Variants in PAX5 observed in about 807,000 individuals in gnomAD.
The protein encoded by PAX5 is paired box protein Pax-5.
PAX5 carries 9 observed loss-of-function variants against 43.7 expected under a neutral mutation model. The ratio of observed to expected loss-of-function variants is 0.21; its 90% CI spans 0.12 to 0.36. PAX5 has a LOEUF of 0.36. PAX5 is among the 10% of genes least tolerant of loss of function. The probability of loss-of-function intolerance (pLI) is 1.00; values close to 1 mark genes in which losing one functional copy is unlikely to be tolerated. For synonymous variants in PAX5, 228 were observed against 214.3 expected, an observed-to-expected ratio of 1.06 and a Z score of -0.56; for missense variants, 383 against 532.7, an observed-to-expected ratio of 0.72 and a Z score of 2.77.
At chr9:36,983,367 C>G (rs1282403162) in intron 5 of PAX5, among the ~76,000 whole-genome samples, 1 of 152,210 alleles carries the variant, frequency 6.6e-6, no homozygotes, top group African/African-American at 2.4e-5. Context: ...GATTCTACGC[C>G]TAAGTGCAAG....
chr9:37,030,171 G>A (rs1000034871), intron 1 of PAX5, among the ~76,000 whole-genome samples: 1 of 152,192 alleles, frequency 6.6e-6, no homozygotes, highest in African/African-American at 2.4e-5. Context: ...CGTCTTACCT[G>A]TGCACCCAGA....
chr9:37,027,946 G>A (rs1266765608), intron 1 of PAX5, among the ~76,000 whole-genome samples: 1 of 152,254 alleles, frequency 6.6e-6, no homozygotes, highest in East Asian at 1.9e-4. Flanking sequence ...CTAAGGCCTA[G>A]TGGATCGCGG....
intron 6 of PAX5, among the ~76,000 whole-genome samples, chr9:36,933,134 AC>A (rs1385770913): frequency 7.2e-6 from 1 of 139,816 alleles, no homozygotes; most frequent in African/African-American, 2.6e-5. Flanking sequence ...ACAGAGGGAG[AC>A]CCTGTCTCAA....
intron 6 of PAX5, among the ~76,000 whole-genome samples, chr9:36,953,193 GACAAGAAATCC>G: frequency 6.6e-6 from 1 of 152,242 alleles, no homozygotes; most frequent in African/African-American, 2.4e-5. Flanking sequence ...CATGGTTTCT[GACAAGAAATCC>G]ACTGTAATTT....
intron 6 of PAX5, among the ~76,000 whole-genome samples, chr9:36,928,995 T>C (rs993141996): frequency 2.0e-5 from 3 of 152,224 alleles, no homozygotes; most frequent in Non-Finnish European, 4.4e-5. Context: ...TGGCTTTGAC[T>C]GCCAGGAAAC....
chr9:37,006,362 G>T, intron 4 of PAX5, 111 bp downstream of exon 4: 1 of 718,368 alleles, frequency 1.4e-6, no homozygotes, highest in East Asian at 2.5e-5. Context: ...GCATTAGTAC[G>T]TGTGCTGAAG....
intron 5 of PAX5, among the ~76,000 whole-genome samples, chr9:36,994,265 G>A (rs7039877): frequency 0.45 from 69,092 of 151,972 alleles, 16,245 homozygotes; most frequent in East Asian, 0.67. Flanking sequence ...AGAGTGGCCC[G>A]CCAGGCAGGG....
At chr9:36,989,742 C>T (rs1365494331) in intron 5 of PAX5, among the ~76,000 whole-genome samples, 2 of 152,144 alleles carry the variant, frequency 1.3e-5, no homozygotes, top group Non-Finnish European at 2.9e-5. Flanking sequence ...ACTTGGGGAA[C>T]GTTTGACGTG....
intron 6 of PAX5, among the ~76,000 whole-genome samples, chr9:36,936,028 C>T (rs142612280): frequency 0.01 from 1,574 of 152,328 alleles, 17 homozygotes; most frequent in Non-Finnish European, 0.014. Flanking sequence ...ACTGTTCTCA[C>T]GGTCAAGGCA....
At chr9:36,865,238 C>G (rs1824750248) in intron 8 of PAX5, among the ~76,000 whole-genome samples, 1 of 152,090 alleles carries the variant, frequency 6.6e-6, no homozygotes, top group South Asian at 2.1e-4. Context: ...CAGGGTGAGC[C>G]CGGCCAGAGC....
intron 1 of PAX5, among the ~76,000 whole-genome samples, chr9:37,027,481 G>T (rs1262287188): frequency 6.6e-6 from 1 of 152,238 alleles, no homozygotes; most frequent in Non-Finnish European, 1.5e-5. Flanking sequence ...CTTCCGGGAC[G>T]GCCGCCGTGC....
chr9:36,936,955 T>C (rs540458927), intron 6 of PAX5, among the ~76,000 whole-genome samples: 2 of 152,282 alleles, frequency 1.3e-5, no homozygotes, highest in African/African-American at 4.8e-5. Context: ...TGCAAAGGCA[T>C]ACCCAGCCAG....
At chr9:36,947,319 T>C (rs1832616152) in intron 6 of PAX5, among the ~76,000 whole-genome samples, 1 of 152,236 alleles carries the variant, frequency 6.6e-6, no homozygotes, top group South Asian at 2.1e-4. Flanking sequence ...GCTAATGCAA[T>C]GTAAAAATTT....
At chr9:36,929,423 A>G (rs984039136) in intron 6 of PAX5, among the ~76,000 whole-genome samples, 1 of 152,228 alleles carries the variant, frequency 6.6e-6, no homozygotes, top group Non-Finnish European at 1.5e-5. Flanking sequence ...GGCGGGGTGC[A>G]GAGGTACACA....
chr9:36,997,048 G>A (rs1837457571), intron 5 of PAX5, among the ~76,000 whole-genome samples: 1 of 152,150 alleles, frequency 6.6e-6, no homozygotes, highest in Non-Finnish European at 1.5e-5. Flanking sequence ...CAAAGACATG[G>A]GGAGAGACAC....
intron 6 of PAX5, among the ~76,000 whole-genome samples, chr9:36,940,067 C>T (rs570198946): frequency 3.0e-4 from 45 of 152,324 alleles, no homozygotes; most frequent in African/African-American, 9.9e-4. Flanking sequence ...CCCGGCGCTG[C>T]CTTCCTTATT....
At chr9:36,937,954 T>C (rs1453660061) in intron 6 of PAX5, among the ~76,000 whole-genome samples, 6 of 152,188 alleles carry the variant, frequency 3.9e-5, no homozygotes, top group Admixed American at 3.9e-4. Context: ...CATGTGACTG[T>C]TTGCTTAGTT....
At chr9:37,011,247 G>A (rs1030392854) in intron 3 of PAX5, among the ~76,000 whole-genome samples, 12 of 152,196 alleles carry the variant, frequency 7.9e-5, no homozygotes, top group Non-Finnish European at 1.5e-4. Context: ...CCTCCAGCCC[G>A]GGACAAGTTT....
chr9:36,974,902 C>T (rs565348214), intron 5 of PAX5, among the ~76,000 whole-genome samples: 4 of 152,230 alleles, frequency 2.6e-5, no homozygotes, highest in East Asian at 1.9e-4. Context: ...CCCAGCAGGC[C>T]GTTTGTCAGC....
Sources: allele counts gnomAD v4.1 joint callset (sites outside exome capture counted in the v4.1 genomes callset), GRCh38; gene constraint gnomAD v4.1.1; transcripts MANE v1.5; gene names NCBI Gene and HGNC (gene_info 2026-07-23, HGNC 2026-07-21).